Variants in HID1 observed in about 807,000 individuals in gnomAD.
HID1 encodes HID1 domain containing, also known as protein HID1.
A neutral mutation model predicts 89.7 loss-of-function variants in HID1; 42 were observed. The ratio of observed to expected loss-of-function variants is 0.47; its 90% CI spans 0.37 to 0.61. The LOEUF is 0.61. Ranked by LOEUF, HID1 falls within the 20% of genes least tolerant of loss-of-function variation. The probability of loss-of-function intolerance (pLI) is 0.00; values close to 1 mark genes in which losing one functional copy is unlikely to be tolerated. For missense variants in HID1, 854 were observed against 1,039.3 expected, an observed-to-expected ratio of 0.82 and a Z score of 2.45; for synonymous variants, 442 against 433.8, an observed-to-expected ratio of 1.02 and a Z score of -0.24.
In HID1 at chr17:74,962,942, G is replaced by T. The variant is rs746306184; in HGVS notation, c.504+23C>A. 1.5e-5 allele frequency: 24 copies of T among 1,551,512 alleles called. No homozygotes were observed. In the East Asian group the frequency reaches 5.5e-4, roughly 35 times the overall value. ...GGACCAGAGCCTACTCCGCCTGGGG[G>T]TGGGGGGCTGGGGGACACTCACCAC... On this transcript the variant is annotated intron_variant, in intron 4 of 18. Transcript: ENST00000425042. This position sits in a 1 kb window ranked among gnomAD's most constrained non-coding sequence, Gnocchi z 4.3.
chr17:74,954,594 C>T (rs1388851413), intron 13 of HID1: 5 of 701,684 alleles, frequency 7.1e-6, no homozygotes, highest in Non-Finnish European at 1.2e-5. Context: ...TCACAACACC[C>T]CCGCCCCAGT....
intron 1 of HID1, among the ~76,000 whole-genome samples, chr17:74,965,173 C>T (rs774761885): frequency 2.0e-5 from 3 of 152,260 alleles, no homozygotes; most frequent in Non-Finnish European, 4.4e-5. Context: ...GACCCCAACA[C>T]GCCCCTCTCA....
chr17:74,970,553 C>T (rs1598639470), intron 1 of HID1, among the ~76,000 whole-genome samples: 1 of 152,116 alleles, frequency 6.6e-6, no homozygotes, highest in East Asian at 1.9e-4. Context: ...ACAGCCAAAG[C>T]GGCTGGCTCT....
rs947570198 is a variant in HID1 at position 74,950,759 on chromosome 17, T to C, written c.*811A>G. The C allele has an allele frequency of 3.9e-5, 6 of 152,252 alleles. No individual in the cohort carries two copies. Among genetic ancestry groups the C allele is most frequent in the African/African-American group, 1.4e-4 (6 of 41,434 alleles). The allele number at this position is 152,252 out of a possible 1,614,324, so 9.4% of individuals were successfully genotyped here. On this transcript the variant is annotated 3_prime_UTR_variant, in exon 19 of 19. Coordinates refer to ENST00000425042, the MANE Select transcript of HID1 (RefSeq NM_030630.3). ...AGTCAGAATGTGGAGCAGGAGGTTTTATTGTAAAGAGGCCGATTGTACAGA... is the reference window on the plus strand; with the variant it reads ...AGTCAGAATGTGGAGCAGGAGGTTTCATTGTAAAGAGGCCGATTGTACAGA...
Position 74,962,163 on chromosome 17 carries a change from T to C in HID1, c.611+71A>G. 3 of 1,356,162 alleles carry C rather than the reference T, an allele frequency of 2.2e-6. No individual in the cohort carries two copies. Among genetic ancestry groups the C allele is most frequent in the South Asian group, 1.3e-5 (1 of 76,536 alleles). 84.0% of individuals were successfully genotyped at this position (1,356,162 alleles called of 1,614,324 possible). ...GGTCTTCTGGGAAGACCCCATGGGC[T>C]TTCTGAGCTGTGCGGGGGCCCGGCC... is the stretch of plus-strand genomic sequence containing the variant. On this transcript the variant is annotated intron_variant, in intron 5 of 18. Coordinates refer to ENST00000425042, the MANE Select transcript of HID1 (RefSeq NM_030630.3). This position sits in a 1 kb window ranked among gnomAD's most constrained non-coding sequence, Gnocchi z 4.3.
chr17:74,958,624 C>T lies in HID1; in HGVS notation c.1240+49G>A, dbSNP rs1374984932. On this transcript the variant is annotated intron_variant, in intron 10 of 18. Coordinates refer to ENST00000425042, the MANE Select transcript of HID1 (RefSeq NM_030630.3). The surrounding 1 kb of genome is among the most constrained non-coding windows in gnomAD (Gnocchi z 5.2). The stretch of plus-strand genomic sequence containing the variant: ...GTCAGGGCAGATAGCCAGCCCTCCA[C>T]CTCGCCGCCAGGAAAGCCCCCAGCA... 15 of 1,598,684 alleles carry T rather than the reference C, an allele frequency of 9.4e-6. No homozygotes were observed. The highest frequency in any genetic ancestry group is 6.7e-5 in the East Asian group (3 of 44,758).
intron 1 of HID1, among the ~76,000 whole-genome samples, chr17:74,970,321 G>C (rs1171861635): frequency 6.6e-6 from 1 of 152,222 alleles, no homozygotes; most frequent in Non-Finnish European, 1.5e-5. Flanking sequence ...AGGGTGTGCA[G>C]GGGGAAGGTC....
chr17:74,955,424 C>T (rs2039374135), intron 13 of HID1, among the ~76,000 whole-genome samples: 1 of 152,104 alleles, frequency 6.6e-6, no homozygotes, highest in Non-Finnish European at 1.5e-5. Context: ...TTGCATGAAC[C>T]TGGGAGACGG....
At position 74,972,507 on chromosome 17, in the gene HID1, G is replaced by C; in HGVS notation, c.66+84C>G. 1 of 1,298,644 alleles carries C rather than the reference G, an allele frequency of 7.7e-7. No individual in the cohort carries two copies. Among genetic ancestry groups the C allele is most frequent in the Non-Finnish European group, 1.1e-6 (1 of 946,096 alleles). The allele number at this position is 1,298,644 out of a possible 1,614,324, so 80.4% of individuals were successfully genotyped here. A position where few individuals can be genotyped will look rare whatever the true frequency, so the allele number is the denominator to read the frequency against. On this transcript the variant is annotated intron_variant, in intron 1 of 18. Transcript: ENST00000425042. The surrounding 1 kb of genome is among the most constrained non-coding windows in gnomAD (Gnocchi z 6.4). Reference sequence around the variant, plus strand: ...GGGCCCGCCCGTCCCCCCATCTCCCGACGAGCCAAGTTCGCGTACCCCCGG... The same window carrying C: ...GGGCCCGCCCGTCCCCCCATCTCCCCACGAGCCAAGTTCGCGTACCCCCGG...
rs574702499 is a variant in HID1 at position 74,957,598 on chromosome 17, A to T, written c.1471+543T>A. 2.8e-3 allele frequency among the ~76,000 whole-genome samples: 419 copies of T among 147,346 alleles called. 2 individuals carry two copies. Among genetic ancestry groups the T allele is most frequent in the African/African-American group, 9.5e-3 (380 of 40,090 alleles). On this transcript the variant is annotated intron_variant, in intron 12 of 18. Coordinates refer to ENST00000425042, the MANE Select transcript of HID1 (RefSeq NM_030630.3). ...TTCAGATGTCAAAAAAAATTGTTAAATTTTTTTTTTTTAAAAAAAGGCCAG... is the reference window on the plus strand; with the variant it reads ...TTCAGATGTCAAAAAAAATTGTTAATTTTTTTTTTTTTAAAAAAAGGCCAG...
intron 12 of HID1, 153 bp downstream of exon 12, chr17:74,957,988 C>CTT: frequency 7.0e-6 from 4 of 573,506 alleles, no homozygotes; most frequent in South Asian, 2.1e-5. Flanking sequence ...TGTTGTCACC[C>CTT]TTTTTTTTTA....
intron 2 of HID1, chr17:74,964,225 G>A (rs938256411): frequency 3.4e-6 from 2 of 595,760 alleles, no homozygotes; most frequent in African/African-American, 1.9e-5. Context: ...GACCCTGGCA[G>A]TACCCACCCC....
intron 6 of HID1, among the ~76,000 whole-genome samples, chr17:74,961,055 A>G (rs1276244059): frequency 6.6e-6 from 1 of 151,134 alleles, no homozygotes; most frequent in African/African-American, 2.4e-5. Context: ...TCTAAGCTGC[A>G]GAGTCCCACA....
rs888275853 is a variant in HID1, at chr17:74,967,116, G to A, written c.67-2484C>T. On this transcript the variant is annotated intron_variant, in intron 1 of 18. Coordinates refer to ENST00000425042, the MANE Select transcript of HID1 (RefSeq NM_030630.3). ...TAGCTGGGTGTGGTGGTGCATGCCT[G>A]TAGTCCCAGCTACTCAGGAGGCTGA... 7.2e-5 allele frequency among the ~76,000 whole-genome samples: 11 copies of A among 152,178 alleles called. No homozygotes were observed. The South Asian group carries it at 2.3e-3, about 32-fold the overall frequency.
intron 6 of HID1, 39 bp downstream of exon 6, chr17:74,961,834 A>G (rs753190934): frequency 7.7e-6 from 10 of 1,292,254 alleles, no homozygotes; most frequent in South Asian, 3.1e-5. Context: ...TGCCTGGAAT[A>G]AGAGGGAAGA....
intron 15 of HID1, 87 bp downstream of exon 15, chr17:74,953,458 G>T: frequency 9.4e-7 from 1 of 1,063,802 alleles, no homozygotes. Context: ...GGTGACCCCA[G>T]AGTGCCCCGG....
intron 14 of HID1, 102 bp downstream of exon 14, chr17:74,954,036 A>T (rs2039348231): frequency 8.7e-7 from 1 of 1,147,632 alleles, no homozygotes; most frequent in East Asian, 2.5e-5. Context: ...TTCCATACAT[A>T]AGCCATGCTC....
intron 14 of HID1, 73 bp downstream of exon 14, chr17:74,954,065 G>T: frequency 7.3e-7 from 1 of 1,378,014 alleles, no homozygotes; most frequent in Non-Finnish European, 1.0e-6. Context: ...AGATGGGGGT[G>T]ACACCCCGAG....
intron 1 of HID1, among the ~76,000 whole-genome samples, chr17:74,971,804 G>C (rs2039651657): frequency 6.6e-6 from 1 of 152,240 alleles, no homozygotes; most frequent in South Asian, 2.1e-4. Flanking sequence ...GGACTCACAG[G>C]AGAGTTATGA....
Sources: allele counts gnomAD v4.1 joint callset (sites outside exome capture counted in the v4.1 genomes callset), GRCh38; gene constraint gnomAD v4.1.1; non-coding constraint Gnocchi (gnomAD v3.1); transcripts MANE v1.5; gene names NCBI Gene and HGNC (gene_info 2026-07-23, HGNC 2026-07-21).